The following SMOC1 variants were observed in gnomAD, a reference collection of about 807,000 sequenced individuals.
SMOC1 encodes SPARC-related modular calcium-binding protein 1.
Under a neutral mutation model 56.3 loss-of-function variants are expected in SMOC1, and 22 were observed. That is an observed-to-expected ratio of 0.39 (90% confidence interval 0.28 to 0.56). The LOEUF is 0.56. SMOC1 is among the 20% of genes least tolerant of loss of function. The pLI is 0.61. For synonymous variants in SMOC1, 193 were observed against 215.0 expected (o/e 0.90, Z 0.89); for missense variants, 509 against 565.4 (o/e 0.90, Z 1.01).
intron 1 of SMOC1, among the ~76,000 whole-genome samples, chr14:69,944,972 A>G: frequency 6.6e-6 from 1 of 152,230 alleles, no homozygotes; most frequent in East Asian, 1.9e-4. Flanking sequence ...TTTAAAGAAA[A>G]GAAAGGAACA....
chr14:69,895,249 C>A (rs1884063852), intron 1 of SMOC1, among the ~76,000 whole-genome samples: 1 of 152,232 alleles, frequency 6.6e-6, no homozygotes, highest in Non-Finnish European at 1.5e-5. Flanking sequence ...ATAGCATTCT[C>A]ATTTCCTGAA....
intron 1 of SMOC1, among the ~76,000 whole-genome samples, chr14:69,918,736 C>A (rs1884753999): frequency 6.6e-6 from 1 of 152,096 alleles, no homozygotes; most frequent in African/African-American, 2.4e-5. Flanking sequence ...TAGAACCTGG[C>A]AAAAAACTTG....
At chr14:69,909,684 G>A (rs1594797022) in intron 1 of SMOC1, among the ~76,000 whole-genome samples, 2 of 152,326 alleles carry the variant, frequency 1.3e-5, no homozygotes, top group East Asian at 1.9e-4. Flanking sequence ...ATGTTATGCT[G>A]TGTAAAAAGC....
At chr14:69,934,452 G>C (rs1885246742) in intron 1 of SMOC1, among the ~76,000 whole-genome samples, 1 of 152,152 alleles carries the variant, frequency 6.6e-6, no homozygotes, top group Non-Finnish European at 1.5e-5. Context: ...ATGTTAGAGA[G>C]CAGCTCCCCA....
At chr14:70,024,207 G>A (rs1885842227) in intron 11 of SMOC1, among the ~76,000 whole-genome samples, 1 of 152,114 alleles carries the variant, frequency 6.6e-6, no homozygotes, top group Admixed American at 6.5e-5. Context: ...CATGAATTCT[G>A]GTGAACACCT....
intron 10 of SMOC1, among the ~76,000 whole-genome samples, chr14:70,015,825 T>A (rs1323802995): frequency 6.6e-6 from 1 of 152,190 alleles, no homozygotes; most frequent in Non-Finnish European, 1.5e-5. Flanking sequence ...GCCTTGATGT[T>A]ACTTGTGTTT....
At chr14:70,006,840 G>A (rs183278623) in intron 7 of SMOC1, among the ~76,000 whole-genome samples, 35 of 152,278 alleles carry the variant, frequency 2.3e-4, no homozygotes, top group African/African-American at 8.2e-4. Flanking sequence ...CAGTAGGCGA[G>A]ACCAGCTTCC....
At chr14:70,020,580 AG>A (rs2139609386) in intron 10 of SMOC1, among the ~76,000 whole-genome samples, 1 of 152,216 alleles carries the variant, frequency 6.6e-6, no homozygotes, top group Admixed American at 6.5e-5. Context: ...CACTACCTGG[AG>A]GGGCTCAGAG....
chr14:69,972,288 C>G (rs1883788834), intron 3 of SMOC1, among the ~76,000 whole-genome samples: 1 of 152,164 alleles, frequency 6.6e-6, no homozygotes, highest in South Asian at 2.1e-4. Flanking sequence ...GAAACAACCT[C>G]TCATTGTGGA....
At chr14:70,027,248 C>T (rs7155538) in intron 11 of SMOC1, among the ~76,000 whole-genome samples, 16,363 of 152,252 alleles carry the variant, frequency 0.11, 1,019 homozygotes, top group Non-Finnish European at 0.15. Flanking sequence ...CCACTGCTGG[C>T]GCTTGGCCCA....
At chr14:69,996,847 C>G (rs569658840) in intron 7 of SMOC1, among the ~76,000 whole-genome samples, 1 of 152,312 alleles carries the variant, frequency 6.6e-6, no homozygotes, top group East Asian at 1.9e-4. Flanking sequence ...CTATCAATCT[C>G]TTTGATATAA....
intron 1 of SMOC1, among the ~76,000 whole-genome samples, chr14:69,881,641 CT>C (rs1405504122): frequency 2.0e-5 from 3 of 151,984 alleles, no homozygotes. Flanking sequence ...CTTTTTTTCC[CT>C]CTTTCTCTCT....
At chr14:69,971,004 C>T (rs1202206152) in intron 3 of SMOC1, among the ~76,000 whole-genome samples, 1 of 152,068 alleles carries the variant, frequency 6.6e-6, no homozygotes, top group Non-Finnish European at 1.5e-5. Context: ...CCTTAAAGGA[C>T]CTTTGAGACC....
chr14:69,910,150 C>G (rs1335902119), intron 1 of SMOC1, among the ~76,000 whole-genome samples: 1 of 152,200 alleles, frequency 6.6e-6, no homozygotes, highest in Non-Finnish European at 1.5e-5. Flanking sequence ...TGGATCAAGT[C>G]CTATGTTAGG....
chr14:69,886,838 G>A (rs937315180), intron 1 of SMOC1, among the ~76,000 whole-genome samples: 1 of 152,186 alleles, frequency 6.6e-6, no homozygotes, highest in Non-Finnish European at 1.5e-5. Flanking sequence ...AAACATTTTG[G>A]TAGAGCTGAC....
intron 6 of SMOC1, among the ~76,000 whole-genome samples, chr14:69,992,955 C>T (rs887007500): frequency 6.6e-6 from 1 of 152,176 alleles, no homozygotes; most frequent in African/African-American, 2.4e-5. Flanking sequence ...ACGGGGTCTC[C>T]GTTCTTATTG....
chr14:69,998,854 G>GTTTTTT (rs1205651630), intron 7 of SMOC1, among the ~76,000 whole-genome samples: 1 of 152,022 alleles, frequency 6.6e-6, no homozygotes, highest in Admixed American at 6.5e-5. Context: ...CTTTGTCCCT[G>GTTTTTT]TTTTTTTCCA....
chr14:69,959,551 A>G (rs2139458739), intron 3 of SMOC1, among the ~76,000 whole-genome samples: 1 of 152,286 alleles, frequency 6.6e-6, no homozygotes, highest in South Asian at 2.1e-4. Flanking sequence ...TCCAGGAACA[A>G]TCTTTCTTGA....
chr14:69,939,598 G>A (rs1594812991), intron 1 of SMOC1, among the ~76,000 whole-genome samples: 1 of 152,174 alleles, frequency 6.6e-6, no homozygotes, highest in Non-Finnish European at 1.5e-5. Context: ...GGGGCTGCCT[G>A]TTGGAATCCC....
Sources: gnomAD v4.1 joint callset for allele counts (sites outside exome capture counted in the v4.1 genomes callset) on GRCh38, gnomAD v4.1.1 for gene constraint, MANE v1.5 for transcripts, NCBI Gene and HGNC (gene_info 2026-07-23, HGNC 2026-07-21) for gene names.